The following TMEM123 variants were observed in gnomAD, a reference collection of about 807,000 sequenced individuals.
TMEM123 encodes transmembrane protein 123.
Under a neutral mutation model 19.7 loss-of-function variants are expected in TMEM123, and 16 were observed. The observed-to-expected ratio is 0.81, with a 90% confidence interval of 0.55 to 1.23. The LOEUF (loss-of-function observed/expected upper bound fraction) is 1.23, where lower values mean the gene tolerates loss of function less well. TMEM123 is among the 50% of genes most tolerant of loss of function. The probability of loss-of-function intolerance (pLI) is 0.00; values close to 1 mark genes in which losing one functional copy is unlikely to be tolerated. For synonymous variants in TMEM123, 118 were observed against 99.4 expected (o/e 1.19, Z -1.12); for missense variants, 313 against 257.8 (o/e 1.21, Z -1.47).
rs902994430 is a variant in TMEM123 at position 102,397,792 on chromosome 11, T to G, written c.*1075A>C. On this transcript the variant is annotated 3_prime_UTR_variant, in exon 5 of 5. Coordinates refer to ENST00000398136, the MANE Select transcript of TMEM123 (RefSeq NM_052932.3). ...ATATAGCATTTTCATCCTGCAGGTT[T>G]AGTTGCCTGGGGGAAGTCCCACAAT... is the stretch of plus-strand genomic sequence containing the variant. 6.6e-6 allele frequency: 1 copy of G among 152,202 alleles called. No homozygotes were observed. Among genetic ancestry groups the G allele is most frequent in the Non-Finnish European group, 1.5e-5 (1 of 68,026 alleles). 9.4% of individuals were successfully genotyped at this position (152,202 alleles called of 1,614,324 possible). A position where few individuals can be genotyped will look rare whatever the true frequency, so the allele number is the denominator to read the frequency against.
intron 2 of TMEM123, among the ~76,000 whole-genome samples, chr11:102,421,102 A>G (rs1952082333): frequency 6.6e-6 from 1 of 151,274 alleles, no homozygotes; most frequent in African/African-American, 2.4e-5. Context: ...GCAGAAAAAT[A>G]ACAACATAAA....
intron 2 of TMEM123, among the ~76,000 whole-genome samples, chr11:102,403,400 C>A (rs1416439245): frequency 6.6e-6 from 1 of 152,202 alleles, no homozygotes. Context: ...TAACCAGAAG[C>A]AAACCTTTCT....
chr11:102,436,608 G>A (rs1479287226), intron 2 of TMEM123, among the ~76,000 whole-genome samples: 1 of 151,918 alleles, frequency 6.6e-6, no homozygotes, highest in Non-Finnish European at 1.5e-5. Flanking sequence ...TTAACGTTCA[G>A]TACCAATTAT....
chr11:102,439,307 C>T (rs1404307744), intron 2 of TMEM123, among the ~76,000 whole-genome samples: 1 of 152,012 alleles, frequency 6.6e-6, no homozygotes, highest in Non-Finnish European at 1.5e-5. Flanking sequence ...AAGTGGGTCC[C>T]TGACCCCCGA....
intron 2 of TMEM123, among the ~76,000 whole-genome samples, chr11:102,432,545 G>T (rs1857722714): frequency 6.6e-6 from 1 of 152,192 alleles, no homozygotes; most frequent in Non-Finnish European, 1.5e-5. Context: ...CAGAGCGTAA[G>T]AGTTTGGAAA....
intron 2 of TMEM123, among the ~76,000 whole-genome samples, chr11:102,445,873 G>C (rs1172721180): frequency 6.6e-6 from 1 of 152,234 alleles, no homozygotes; most frequent in Non-Finnish European, 1.5e-5. Flanking sequence ...CCTCACTAGA[G>C]TGGCCCAAAT....
chr11:102,401,447 T>A, intron 4 of TMEM123, 92 bp downstream of exon 4: 1 of 1,204,702 alleles, frequency 8.3e-7, no homozygotes. Flanking sequence ...CAATTATTCA[T>A]CCCTGAGATG....
At chr11:102,439,187 G>A (rs1168709818) in intron 2 of TMEM123, among the ~76,000 whole-genome samples, 1 of 152,100 alleles carries the variant, frequency 6.6e-6, no homozygotes, top group East Asian at 1.9e-4. Flanking sequence ...TGAACAAAGG[G>A]CAGTAGAAAC....
chr11:102,448,857 T>A lies in TMEM123; in HGVS notation c.112A>T (p.Ile38Leu). The change falls in exon 2 of 5, where the codon ATA becomes TTA. Residue 38 changes from isoleucine to leucine, a missense_variant. Physicochemically the swap from Ile to Leu is conservative, Grantham distance 5 (BLOSUM62 2). Coordinates refer to ENST00000398136, the MANE Select transcript of TMEM123 (RefSeq NM_052932.3). ...TTGTGTGGAAGCCCAGAATTCTCTATGTTTGCAGATGCTGTAAAAATAAAG... is the reference window on the plus strand; with the variant it reads ...TTGTGTGGAAGCCCAGAATTCTCTAAGTTTGCAGATGCTGTAAAAATAAAG... ...ESAAMAASANIENSGLPHNSS... is the reference protein window; with the variant it reads ...ESAAMAASANLENSGLPHNSS... 1 of 1,613,752 alleles carries A rather than the reference T, an allele frequency of 6.2e-7. No individual in the cohort carries two copies. The highest frequency in any genetic ancestry group is 8.5e-7 in the Non-Finnish European group (1 of 1,179,730).
At position 102,402,222 on chromosome 11, in the gene TMEM123, G is replaced by GA. The variant is rs1951920704; in HGVS notation, c.158-17dup. The GA allele has an allele frequency of 1.2e-6, 2 of 1,608,522 alleles. No individual in the cohort carries two copies. The highest frequency in any genetic ancestry group is 2.2e-5 in the South Asian group (2 of 90,694). On this transcript the variant is annotated splice_polypyrimidine_tract_variant and intron_variant, in intron 2 of 4. Coordinates refer to ENST00000398136, the MANE Select transcript of TMEM123 (RefSeq NM_052932.3). ...TGGAGAGTCTCTGCAATAATATCAAGAAACATTAAAACCAGAGCTATGATT... is the reference window on the plus strand; with the variant it reads ...TGGAGAGTCTCTGCAATAATATCAAGAAAACATTAAAACCAGAGCTATGATT...
intron 1 of TMEM123, among the ~76,000 whole-genome samples, chr11:102,450,764 G>A (rs1270984973): frequency 6.6e-6 from 1 of 152,182 alleles, no homozygotes; most frequent in Non-Finnish European, 1.5e-5. Context: ...GATACTGTGA[G>A]GATTCAATGG....
intron 1 of TMEM123, 149 bp from the exon 2 acceptor site, chr11:102,449,017 T>C: frequency 1.4e-6 from 1 of 717,088 alleles, no homozygotes; most frequent in East Asian, 2.6e-5. Context: ...CCTGTTGTTA[T>C]GAAACATATC....
chr11:102,434,361 C>T (rs971063905), intron 2 of TMEM123, among the ~76,000 whole-genome samples: 1 of 151,882 alleles, frequency 6.6e-6, no homozygotes, highest in Non-Finnish European at 1.5e-5. Context: ...AGCAATTTCT[C>T]ATGTAACTAT....
At chr11:102,440,223 G>C (rs12280598) in intron 2 of TMEM123, among the ~76,000 whole-genome samples, 3,435 of 152,190 alleles carry the variant, frequency 0.023, 130 homozygotes, top group African/African-American at 0.078. Flanking sequence ...TCCTCGAGAA[G>C]AACAACTCCA....
intron 2 of TMEM123, among the ~76,000 whole-genome samples, chr11:102,403,098 C>T (rs1043232639): frequency 4.6e-5 from 7 of 151,922 alleles, no homozygotes; most frequent in African/African-American, 1.5e-4. Context: ...GCAACCTCCG[C>T]CTCCTGGGTC....
chr11:102,441,721 C>T (rs1341959351), intron 2 of TMEM123, among the ~76,000 whole-genome samples: 3 of 143,684 alleles, frequency 2.1e-5, no homozygotes, highest in Non-Finnish European at 3.0e-5. Context: ...GACAGACACA[C>T]AAAAAACCCT....
At chr11:102,431,331 T>G (rs1031367787) in intron 2 of TMEM123, among the ~76,000 whole-genome samples, 1 of 152,248 alleles carries the variant, frequency 6.6e-6, no homozygotes, top group Admixed American at 6.5e-5. Flanking sequence ...TTATGATTTA[T>G]GAATACATGT....
chr11:102,419,539 G>T (rs1396988711), intron 2 of TMEM123, among the ~76,000 whole-genome samples: 3 of 152,156 alleles, frequency 2.0e-5, no homozygotes, highest in Non-Finnish European at 4.4e-5. Context: ...GCAACTGCGT[G>T]TCCAGTCTGT....
chr11:102,404,832 T>C (rs1465382434), intron 2 of TMEM123, among the ~76,000 whole-genome samples: 1 of 152,140 alleles, frequency 6.6e-6, no homozygotes, highest in Non-Finnish European at 1.5e-5. Context: ...ACTCCTGACC[T>C]CAGGTGATCT....
Sources: gnomAD v4.1 joint callset for allele counts (sites outside exome capture counted in the v4.1 genomes callset) on GRCh38, gnomAD v4.1.1 for gene constraint, MANE v1.5 for transcripts, NCBI Gene and HGNC (gene_info 2026-07-23, HGNC 2026-07-21) for gene names.